Variants in GALNTL6 observed in about 807,000 individuals in gnomAD.
GALNTL6 encodes polypeptide N-acetylgalactosaminyltransferase-like 6.
A neutral mutation model predicts 73.7 loss-of-function variants in GALNTL6; 46 were observed. The observed-to-expected ratio is 0.62, with a 90% CI of 0.49 to 0.80. The LOEUF is 0.80. GALNTL6 is among the 30% of genes least tolerant of loss of function. The pLI is 0.00. For synonymous variants in GALNTL6, 259 were observed against 263.7 expected (o/e 0.98, Z 0.17); for missense variants, 604 against 755.0 (o/e 0.80, Z 2.34).
intron 7 of GALNTL6, among the ~76,000 whole-genome samples, chr4:172,826,246 A>G (rs918113464): frequency 6.6e-6 from 1 of 152,194 alleles, no homozygotes; most frequent in Non-Finnish European, 1.5e-5. Flanking sequence ...TTCTTGATCA[A>G]TATACCTTCA....
At chr4:172,435,849 T>G (rs1731616134) in intron 5 of GALNTL6, among the ~76,000 whole-genome samples, 1 of 152,114 alleles carries the variant, frequency 6.6e-6, no homozygotes, top group Admixed American at 6.6e-5. Context: ...TTAAACATGT[T>G]TTGGGAAACT....
intron 7 of GALNTL6, among the ~76,000 whole-genome samples, chr4:172,834,795 G>A (rs1463239917): frequency 1.3e-5 from 2 of 152,236 alleles, no homozygotes; most frequent in African/African-American, 2.4e-5. Context: ...CCCTGGAGGA[G>A]CCTGAAGCAA....
intron 2 of GALNTL6, among the ~76,000 whole-genome samples, chr4:172,214,256 G>A (rs1174494886): frequency 6.6e-6 from 1 of 152,116 alleles, no homozygotes; most frequent in Admixed American, 6.6e-5. Flanking sequence ...CTTTTCTTCA[G>A]TATTGTGTTA....
intron 9 of GALNTL6, 41 bp from the exon 10 acceptor site, chr4:172,951,996 A>C: frequency 6.8e-7 from 1 of 1,466,610 alleles, no homozygotes; most frequent in African/African-American, 1.8e-5. Context: ...CTTTTGAATG[A>C]ATAAACCAAT....
intron 5 of GALNTL6, among the ~76,000 whole-genome samples, chr4:172,402,633 T>C (rs1350419473): frequency 6.6e-6 from 1 of 152,100 alleles, no homozygotes; most frequent in Non-Finnish European, 1.5e-5. Context: ...TGTTGTTTTT[T>C]AATTGTTATA....
At chr4:172,819,341 G>A (rs1315397899) in intron 7 of GALNTL6, among the ~76,000 whole-genome samples, 1 of 152,204 alleles carries the variant, frequency 6.6e-6, no homozygotes, top group Non-Finnish European at 1.5e-5. Context: ...AAAGTCAGTG[G>A]TTCTTAGGCA....
intron 5 of GALNTL6, among the ~76,000 whole-genome samples, chr4:172,591,961 A>G (rs1403086004): frequency 6.6e-6 from 1 of 152,238 alleles, no homozygotes; most frequent in East Asian, 1.9e-4. Context: ...GCCAATTAGC[A>G]TAGACCACTA....
intron 5 of GALNTL6, among the ~76,000 whole-genome samples, chr4:172,699,730 T>C (rs1560888918): frequency 6.6e-6 from 1 of 152,208 alleles, no homozygotes; most frequent in East Asian, 1.9e-4. Context: ...GCTATGAGCA[T>C]GTGAAAGAGC....
At chr4:172,796,628 A>G (rs1304008062) in intron 5 of GALNTL6, among the ~76,000 whole-genome samples, 1 of 152,210 alleles carries the variant, frequency 6.6e-6, no homozygotes, top group African/African-American at 2.4e-5. Context: ...CAATTCTTAC[A>G]TGGTTCTTTT....
chr4:172,323,905 A>C (rs1269390517), intron 4 of GALNTL6, among the ~76,000 whole-genome samples: 1 of 152,080 alleles, frequency 6.6e-6, no homozygotes, highest in Non-Finnish European at 1.5e-5. Flanking sequence ...AGTATTTTGA[A>C]TTGGTGTCCT....
Position 172,215,020 on chromosome 4 carries a change from A to G in GALNTL6, c.139-14636A>G, listed in dbSNP as rs137910579. 1.3e-4 allele frequency among the ~76,000 whole-genome samples: 19 copies of G among 151,970 alleles called. No individual in the cohort carries two copies. In the South Asian group the frequency reaches 1.5e-3, roughly 12 times the overall value. On this transcript the variant is annotated intron_variant, in intron 2 of 12. Coordinates refer to ENST00000506823, the MANE Select transcript of GALNTL6 (RefSeq NM_001034845.3). ...ATTTCTCTGAGGTATTTATGGACTC[A>G]TGTACAGTATAGAAATGTGTTATAT...
chr4:172,463,184 G>A (rs1445562494), intron 5 of GALNTL6, among the ~76,000 whole-genome samples: 1 of 151,836 alleles, frequency 6.6e-6, no homozygotes, highest in South Asian at 2.1e-4. Flanking sequence ...TGATTGAAGT[G>A]GAAAAATAAA....
intron 5 of GALNTL6, among the ~76,000 whole-genome samples, chr4:172,545,261 G>A (rs897939329): frequency 1.3e-5 from 2 of 152,122 alleles, no homozygotes; most frequent in East Asian, 1.9e-4. Flanking sequence ...CAGAGTTCCC[G>A]AAGCTAGAAA....
intron 5 of GALNTL6, among the ~76,000 whole-genome samples, chr4:172,606,671 A>G (rs1405218935): frequency 2.1e-5 from 1 of 47,196 alleles, no homozygotes; most frequent in African/African-American, 4.5e-5. Flanking sequence ...TACTATATAT[A>G]TATACTATAT....
At chr4:172,829,928 T>A (rs1454263096) in intron 7 of GALNTL6, among the ~76,000 whole-genome samples, 3 of 152,146 alleles carry the variant, frequency 2.0e-5, no homozygotes, top group African/African-American at 7.2e-5. Context: ...GTCTAAAAAA[T>A]AAATTATAAT....
intron 2 of GALNTL6, among the ~76,000 whole-genome samples, chr4:171,941,220 T>C (rs1578991606): frequency 1.3e-5 from 2 of 152,242 alleles, no homozygotes; most frequent in East Asian, 3.8e-4. Context: ...GAGTGAAGCT[T>C]GACTCATTGT....
intron 5 of GALNTL6, among the ~76,000 whole-genome samples, chr4:172,439,172 T>TCACACACACACACA (rs57281407): frequency 1.5e-4 from 22 of 145,730 alleles, no homozygotes; most frequent in African/African-American, 5.3e-4. Context: ...TCTCTCCCCT[T>TCACACACACACACA]CACACACACA....
intron 10 of GALNTL6, among the ~76,000 whole-genome samples, chr4:173,003,622 C>T (rs1354297995): frequency 2.0e-5 from 3 of 152,220 alleles, no homozygotes; most frequent in Non-Finnish European, 4.4e-5. Context: ...CACAACTGCC[C>T]TCTGAGGCAT....
chr4:172,459,049 C>T (rs2111438646), intron 5 of GALNTL6, among the ~76,000 whole-genome samples: 1 of 152,310 alleles, frequency 6.6e-6, no homozygotes, highest in South Asian at 2.1e-4. Flanking sequence ...GGATGCAAGG[C>T]TGGTTCAACA....
Sources: gnomAD v4.1 joint callset for allele counts (sites outside exome capture counted in the v4.1 genomes callset) on GRCh38, gnomAD v4.1.1 for gene constraint, MANE v1.5 for transcripts, NCBI Gene and HGNC (gene_info 2026-07-23, HGNC 2026-07-21) for gene names.